GLMN: variants seen among roughly 807,000 people sequenced by gnomAD.
GLMN encodes the protein glomulin.
A neutral mutation model predicts 87.8 loss-of-function variants in GLMN; 75 were observed. The observed-to-expected ratio is 0.85, with a 90% CI of 0.71 to 1.04. The LOEUF is 1.04. Ranked by LOEUF, GLMN falls within the 50% of genes least tolerant of loss-of-function variation. GLMN has a pLI of 0.00. For missense variants in GLMN, 588 were observed against 658.8 expected (o/e 0.89, Z 1.18); for synonymous variants, 206 against 221.6 (o/e 0.93, Z 0.63).
the GLMN span, among the ~76,000 whole-genome samples, chr1:92,332,547 T>C: frequency 1.3e-5 from 2 of 152,184 alleles, no homozygotes; most frequent in Admixed American, 6.5e-5. Flanking sequence ...GATGTTATCT[T>C]CCTCTAGAAT....
the GLMN span, among the ~76,000 whole-genome samples, chr1:92,331,573 T>C: frequency 6.6e-6 from 1 of 152,196 alleles, no homozygotes; most frequent in Non-Finnish European, 1.5e-5. Flanking sequence ...TTAATACTTT[T>C]ATTGCTTCCT....
At chr1:92,370,345 A>G in the GLMN span, among the ~76,000 whole-genome samples, 3 of 152,228 alleles carry the variant, frequency 2.0e-5, no homozygotes, top group African/African-American at 4.8e-5. Flanking sequence ...GCAAACACCA[A>G]TCCCAATAGG....
chr1:92,261,629 T>C (rs1394622930), intron 16 of GLMN, among the ~76,000 whole-genome samples: 3 of 152,224 alleles, frequency 2.0e-5, no homozygotes, highest in Non-Finnish European at 4.4e-5. Context: ...GTTTGAGTAA[T>C]ATAGATCTAT....
intron 16 of GLMN, among the ~76,000 whole-genome samples, chr1:92,260,479 G>A (rs568485607): frequency 1.3e-5 from 2 of 151,986 alleles, no homozygotes; most frequent in South Asian, 2.1e-4. Flanking sequence ...AGCTGGTGTG[G>A]TGGTGCCTGG....
chr1:92,339,073 T>C, the GLMN span, among the ~76,000 whole-genome samples: 1 of 152,216 alleles, frequency 6.6e-6, no homozygotes, highest in East Asian at 1.9e-4. Context: ...TTATGTAGAA[T>C]AGGTTAACTA....
chr1:92,289,512 T>TC (rs1649158845), intron 5 of GLMN, among the ~76,000 whole-genome samples: 1 of 152,204 alleles, frequency 6.6e-6, no homozygotes, highest in South Asian at 2.1e-4. Flanking sequence ...AGATTTTTTT[T>TC]CCCTAGAAGA....
intron 7 of GLMN, among the ~76,000 whole-genome samples, chr1:92,282,877 A>G (rs1570945185): frequency 6.6e-6 from 1 of 152,228 alleles, no homozygotes. Context: ...GAAAATCTAG[A>G]AGAAATGGGT....
the GLMN span, among the ~76,000 whole-genome samples, chr1:92,330,657 G>C: frequency 6.6e-6 from 1 of 151,896 alleles, no homozygotes; most frequent in South Asian, 2.1e-4. Flanking sequence ...ATGTTGGCCA[G>C]GCCAGGTTGG....
intron 16 of GLMN, among the ~76,000 whole-genome samples, chr1:92,251,029 G>A (rs1653411776): frequency 6.6e-6 from 1 of 152,070 alleles, no homozygotes; most frequent in Non-Finnish European, 1.5e-5. Context: ...TTTTTGTTAA[G>A]GTAATTTTTG....
At chr1:92,280,708 T>A (rs1325235633) in intron 7 of GLMN, among the ~76,000 whole-genome samples, 1 of 151,994 alleles carries the variant, frequency 6.6e-6, no homozygotes, top group East Asian at 1.9e-4. Context: ...ACAAGGAGGA[T>A]AAAAACCTGG....
At chr1:92,363,835 T>C in the GLMN span, 421 of 256,802 alleles carry the variant, frequency 1.6e-3, 1 homozygote, top group Middle Eastern at 7.8e-3. Context: ...TACTTTATTA[T>C]AAGGATCTAA....
intron 17 of GLMN, among the ~76,000 whole-genome samples, chr1:92,247,638 C>T (rs1420868751): frequency 6.6e-6 from 1 of 152,128 alleles, no homozygotes; most frequent in African/African-American, 2.4e-5. Context: ...AGCTGTAATA[C>T]AGATTCTTAA....
upstream of GLMN, chr1:92,303,898 A>G: frequency 1.1e-6 from 1 of 889,698 alleles, no homozygotes; most frequent in South Asian, 1.8e-5. Context: ...TTTTCAGATA[A>G]GATTGATGAG....
chr1:92,262,578 C>T (rs1391985565), intron 16 of GLMN, among the ~76,000 whole-genome samples: 1 of 152,146 alleles, frequency 6.6e-6, no homozygotes, highest in Non-Finnish European at 1.5e-5. Context: ...TTGAGCTCCA[C>T]AAGGTTAGTT....
intron 7 of GLMN, among the ~76,000 whole-genome samples, chr1:92,283,622 C>A (rs949582395): frequency 6.6e-6 from 1 of 152,092 alleles, no homozygotes; most frequent in East Asian, 1.9e-4. Context: ...CTGGCTAGGG[C>A]AATCAGGCAA....
chr1:92,253,500 G>A (rs1653807634), intron 16 of GLMN, among the ~76,000 whole-genome samples: 2 of 152,210 alleles, frequency 1.3e-5, no homozygotes, highest in Non-Finnish European at 2.9e-5. Context: ...GGGGTCAACA[G>A]CCACCTCATA....
the GLMN span, among the ~76,000 whole-genome samples, chr1:92,360,824 T>C: frequency 6.6e-6 from 1 of 152,150 alleles, no homozygotes; most frequent in African/African-American, 2.4e-5. Context: ...ACTGTTACAT[T>C]CATTACTGTA....
chr1:92,253,334 G>A (rs1160636677), intron 16 of GLMN, among the ~76,000 whole-genome samples: 4 of 152,160 alleles, frequency 2.6e-5, no homozygotes, highest in African/African-American at 9.7e-5. Flanking sequence ...GGGTGGCTGT[G>A]GGTGCAGCTT....
In GLMN at chr1:92,246,610, C is replaced by CA; in HGVS notation, c.1704dup (p.Glu569Ter). 1 of 1,595,614 alleles carries CA rather than the reference C, an allele frequency of 6.3e-7. No homozygotes were observed. Among genetic ancestry groups the CA allele is most frequent in the Non-Finnish European group, 8.6e-7 (1 of 1,163,278 alleles). On this transcript the variant is annotated frameshift_variant, in exon 19 of 19. Coordinates refer to ENST00000370360, the MANE Select transcript of GLMN (RefSeq NM_053274.3). LOFTEE classifies it high-confidence loss of function. ...TCTTCCACTCGAGCTAGAACACTTTCAATCAAATCAAATGTGAAAAGAGCT... is the reference window on the plus strand; with the variant it reads ...TCTTCCACTCGAGCTAGAACACTTTCAAATCAAATCAAATGTGAAAAGAGCT...
Sources: gnomAD v4.1 joint callset for allele counts (sites outside exome capture counted in the v4.1 genomes callset) on GRCh38, gnomAD v4.1.1 for gene constraint, MANE v1.5 for transcripts, NCBI Gene and HGNC (gene_info 2026-07-23, HGNC 2026-07-21) for gene names.